Variants in PACRG observed in about 807,000 individuals in gnomAD.
PACRG encodes parkin coregulated gene protein.
A neutral mutation model predicts 29.7 loss-of-function variants in PACRG; 29 were observed. That is an observed-to-expected ratio of 0.98 (90% confidence interval 0.73 to 1.33). The LOEUF is 1.33. Among genes scored for constraint, PACRG ranks in the 40% most tolerant of loss-of-function variants. The pLI, the probability that PACRG is intolerant of heterozygous loss-of-function variation, is 0.00. For synonymous variants in PACRG, 116 were observed against 118.7 expected, an observed-to-expected ratio of 0.98 and a Z score of 0.15; for missense variants, 279 against 316.2, an observed-to-expected ratio of 0.88 and a Z score of 0.89.
chr6:162,828,280 A>G (rs564615600), intron 2 of PACRG, among the ~76,000 whole-genome samples: 4 of 152,194 alleles, frequency 2.6e-5, no homozygotes. Context: ...TAAAACCTGT[A>G]TAGTATCAGC....
chr6:163,235,285 C>CATAT (rs1016232630), intron 4 of PACRG, among the ~76,000 whole-genome samples: 1 of 152,130 alleles, frequency 6.6e-6, no homozygotes, highest in African/African-American at 2.4e-5. Context: ...AATCCTGAAG[C>CATAT]ATATACAGAT....
chr6:163,150,157 G>C (rs1306154776), intron 4 of PACRG, among the ~76,000 whole-genome samples: 1 of 152,208 alleles, frequency 6.6e-6, no homozygotes, highest in Non-Finnish European at 1.5e-5. Flanking sequence ...TCTGCCACCT[G>C]CCAAGTAACA....
intron 2 of PACRG, among the ~76,000 whole-genome samples, chr6:162,906,841 G>A (rs1452108603): frequency 6.6e-6 from 1 of 152,148 alleles, no homozygotes; most frequent in Non-Finnish European, 1.5e-5. Flanking sequence ...AACAATGATC[G>A]TATACCTTGT....
chr6:163,108,301 C>T (rs534031395), intron 4 of PACRG, among the ~76,000 whole-genome samples: 1 of 151,972 alleles, frequency 6.6e-6, no homozygotes, highest in South Asian at 2.1e-4. Flanking sequence ...TGCCCTTCGC[C>T]TTCTACCATT....
intron 4 of PACRG, among the ~76,000 whole-genome samples, chr6:163,206,026 C>T (rs1423879439): frequency 6.6e-6 from 1 of 152,160 alleles, no homozygotes; most frequent in Non-Finnish European, 1.5e-5. Context: ...TCTCACACCA[C>T]TCAGAATGGC....
intron 1 of PACRG, among the ~76,000 whole-genome samples, chr6:162,779,242 C>T (rs780497761): frequency 4.6e-5 from 7 of 152,182 alleles, no homozygotes; most frequent in African/African-American, 9.7e-5. Flanking sequence ...TAGTATTCCA[C>T]GGTGTATATG....
chr6:162,929,711 G>A (rs1797708659), intron 2 of PACRG, among the ~76,000 whole-genome samples: 1 of 151,886 alleles, frequency 6.6e-6, no homozygotes, highest in South Asian at 2.1e-4. Context: ...CACAGTTTGG[G>A]GTCTTAAATT....
intron 1 of PACRG, among the ~76,000 whole-genome samples, chr6:162,752,352 G>A (rs896901830): frequency 6.6e-6 from 1 of 152,064 alleles, no homozygotes; most frequent in Non-Finnish European, 1.5e-5. Flanking sequence ...AAACCAGGAA[G>A]AGGAAAATGA....
chr6:163,091,697 A>C (rs1814123198), intron 4 of PACRG, among the ~76,000 whole-genome samples: 1 of 152,192 alleles, frequency 6.6e-6, no homozygotes, highest in Non-Finnish European at 1.5e-5. Flanking sequence ...ACTGTTCCTT[A>C]AAGTAGCTAT....
At chr6:162,770,232 C>T (rs1039253279) in intron 1 of PACRG, among the ~76,000 whole-genome samples, 3 of 152,066 alleles carry the variant, frequency 2.0e-5, no homozygotes, top group African/African-American at 7.2e-5. Flanking sequence ...TATCCTTTTC[C>T]AAGATAATTC....
At chr6:162,874,884 A>G (rs1793165112) in intron 2 of PACRG, among the ~76,000 whole-genome samples, 1 of 151,900 alleles carries the variant, frequency 6.6e-6, no homozygotes, top group South Asian at 2.1e-4. Context: ...CACACCCATT[A>G]ACACACTTAC....
chr6:162,855,501 GA>G (rs200516237), intron 2 of PACRG, among the ~76,000 whole-genome samples: 194 of 149,894 alleles, frequency 1.3e-3, no homozygotes, highest in East Asian at 0.011. Flanking sequence ...GTTATTCTAA[GA>G]AAAAAAAATG....
intron 4 of PACRG, among the ~76,000 whole-genome samples, chr6:163,164,720 T>A (rs894465176): frequency 2.6e-5 from 4 of 152,216 alleles, no homozygotes; most frequent in African/African-American, 7.2e-5. Context: ...TGGGCCCCCA[T>A]CACACTTGAA....
intron 1 of PACRG, among the ~76,000 whole-genome samples, chr6:162,774,141 A>G (rs1783458816): frequency 1.3e-5 from 2 of 152,160 alleles, no homozygotes; most frequent in African/African-American, 4.8e-5. Flanking sequence ...ATTTTTTTCA[A>G]TTGACTGACT....
intron 1 of PACRG, among the ~76,000 whole-genome samples, chr6:162,751,483 T>C (rs918697707): frequency 6.6e-6 from 1 of 152,188 alleles, no homozygotes; most frequent in Non-Finnish European, 1.5e-5. Flanking sequence ...TGAAATCTTT[T>C]TTTTTTGTAA....
intron 1 of PACRG, among the ~76,000 whole-genome samples, chr6:162,806,407 G>A (rs1302750745): frequency 2.7e-5 from 4 of 150,790 alleles, no homozygotes; most frequent in Admixed American, 2.6e-4. Context: ...ACCACACCTG[G>A]CCTAAAATGT....
At chr6:163,047,419 A>G (rs774637712) in intron 2 of PACRG, among the ~76,000 whole-genome samples, 3 of 152,216 alleles carry the variant, frequency 2.0e-5, no homozygotes, top group Non-Finnish European at 4.4e-5. Flanking sequence ...AAATTCCTTT[A>G]ACTATATGAC....
At chr6:162,809,009 A>G (rs1468632675) in intron 1 of PACRG, among the ~76,000 whole-genome samples, 1 of 152,068 alleles carries the variant, frequency 6.6e-6, no homozygotes, top group Admixed American at 6.5e-5. Context: ...AATTAATTAT[A>G]TTTCGCTTGA....
chr6:162,962,567 GGAA>G (rs67476514), intron 2 of PACRG, among the ~76,000 whole-genome samples: 23,578 of 151,932 alleles, frequency 0.16, 3,208 homozygotes, highest in African/African-American at 0.36. Context: ...TGTTCTTATG[GGAA>G]GAAGAAGAGA....
Sources: gnomAD v4.1 joint callset for allele counts (sites outside exome capture counted in the v4.1 genomes callset) on GRCh38, gnomAD v4.1.1 for gene constraint, MANE v1.5 for transcripts, NCBI Gene and HGNC (gene_info 2026-07-23, HGNC 2026-07-21) for gene names.